XPNPEP2: variants seen among roughly 807,000 people sequenced by gnomAD.
XPNPEP2 encodes X-prolyl aminopeptidase 2.
A neutral mutation model predicts 59.8 loss-of-function variants in XPNPEP2; 64 were observed. That is an observed-to-expected ratio of 1.07 (90% CI 0.87 to 1.32). The LOEUF (loss-of-function observed/expected upper bound fraction) is 1.32. Among genes scored for constraint, XPNPEP2 ranks in the 40% most tolerant of loss-of-function variants. The pLI, the probability that XPNPEP2 is intolerant of heterozygous loss-of-function variation, is 0.00. For missense variants in XPNPEP2, 575 were observed against 546.8 expected (o/e 1.05, Z -0.51); for synonymous variants, 235 against 210.0 (o/e 1.12, Z -1.03).
chrX:129,769,495 G>C lies in XPNPEP2; in HGVS notation c.*1010G>C, dbSNP rs1384318869. The C allele has an allele frequency of 8.9e-6, 1 of 112,256 alleles. No homozygotes were observed. The highest frequency in any genetic ancestry group is 3.2e-5 in the African/African-American group (1 of 30,844). 9.3% of individuals were successfully genotyped at this position (112,256 alleles called of 1,213,427 possible). ...GGCCAAATTGGCCGTTAGCCACCTGGGTCCACATCCTGCTAAGACGTTTAA... is the reference window on the plus strand; with the variant it reads ...GGCCAAATTGGCCGTTAGCCACCTGCGTCCACATCCTGCTAAGACGTTTAA... On this transcript the variant is annotated 3_prime_UTR_variant, in exon 21 of 21. Transcript: ENST00000371106.
intron 18 of XPNPEP2, 147 bp from the exon 19 acceptor site, chrX:129,762,547 A>C (rs1385022465): frequency 1.0e-5 from 5 of 489,508 alleles, no homozygotes; most frequent in Non-Finnish European, 1.8e-5. Context: ...TAGCCAACAA[A>C]CATCTAACCA....
intron 1 of XPNPEP2, among the ~76,000 whole-genome samples, chrX:129,741,616 T>C (rs965903172): frequency 4.5e-5 from 5 of 112,180 alleles, no homozygotes; most frequent in African/African-American, 1.6e-4. Flanking sequence ...GAGCCTGGAA[T>C]GATAGGCAAA....
At chrX:129,764,208 G>C (rs1237783890) in intron 19 of XPNPEP2, among the ~76,000 whole-genome samples, 1 of 107,162 alleles carries the variant, frequency 9.3e-6, no homozygotes, top group African/African-American at 3.4e-5. Flanking sequence ...GTGAGAGGGT[G>C]AGTTTTCTTA....
chrX:129,754,428 A>G (rs1602904569), intron 11 of XPNPEP2, 44 bp from the exon 12 acceptor site: 1 of 1,112,435 alleles, frequency 9.0e-7, no homozygotes, highest in South Asian at 2.1e-5. Flanking sequence ...GGCTGCAACC[A>G]GACCTCACCC....
chrX:129,748,721 G>T (rs888662714), intron 7 of XPNPEP2, among the ~76,000 whole-genome samples: 1 of 112,090 alleles, frequency 8.9e-6, no homozygotes, highest in African/African-American at 3.2e-5. Flanking sequence ...ATCCAAGACT[G>T]TTAAATCATA....
intron 14 of XPNPEP2, among the ~76,000 whole-genome samples, chrX:129,757,057 T>G (rs1259930653): frequency 1.1e-5 from 1 of 92,692 alleles, no homozygotes; most frequent in Non-Finnish European, 2.0e-5. Flanking sequence ...TACACACACA[T>G]ATATATACAC....
chrX:129,761,302 G>A (rs1301580808), intron 17 of XPNPEP2, 26 bp downstream of exon 17: 1 of 1,130,785 alleles, frequency 8.8e-7, no homozygotes, highest in African/African-American at 1.8e-5. Context: ...GCACTCCCCA[G>A]GCCACCCCCC....
intron 2 of XPNPEP2, among the ~76,000 whole-genome samples, chrX:129,742,935 A>T (rs766277234): frequency 1.1e-3 from 124 of 111,751 alleles, no homozygotes; most frequent in African/African-American, 3.5e-3. Context: ...AAACCAAAGA[A>T]GAGCCAACGG....
intron 4 of XPNPEP2, 116 bp from the exon 5 acceptor site, chrX:129,746,120 T>C (rs1023740492): frequency 1.7e-6 from 1 of 578,224 alleles, no homozygotes; most frequent in Non-Finnish European, 2.8e-6. Flanking sequence ...GGAGAGAATC[T>C]CTTTCCAGAG....
intron 9 of XPNPEP2, 37 bp downstream of exon 9, chrX:129,751,863 T>C (rs1404320728): frequency 3.5e-6 from 4 of 1,154,039 alleles, no homozygotes; most frequent in Non-Finnish European, 1.2e-6. Context: ...GTGGACTTTC[T>C]CCAACTTCCA....
intron 14 of XPNPEP2, among the ~76,000 whole-genome samples, chrX:129,757,851 G>GAA (rs1358218628): frequency 1.2e-5 from 1 of 81,687 alleles, no homozygotes; most frequent in East Asian, 3.9e-4. Context: ...AAGAAAGAAA[G>GAA]AAAGAAAGAG....
intron 1 of XPNPEP2, among the ~76,000 whole-genome samples, chrX:129,740,553 C>G (rs150131936): frequency 0.013 from 1,455 of 109,396 alleles, 22 homozygotes; most frequent in African/African-American, 0.046. Flanking sequence ...CGCTTGAACT[C>G]AGGAGGCAGA....
In XPNPEP2 at chrX:129,760,599, G is replaced by A; in HGVS notation, c.1498+18G>A. ...TACATCAGGTGGGTTTCAGAAACCAGTCTGGACACAGCCTCAGGCCCTGAT... is the reference window on the plus strand; with the variant it reads ...TACATCAGGTGGGTTTCAGAAACCAATCTGGACACAGCCTCAGGCCCTGAT... On this transcript the variant is annotated intron_variant, in intron 16 of 20. Coordinates refer to ENST00000371106, the MANE Select transcript of XPNPEP2 (RefSeq NM_003399.6). The A allele has an allele frequency of 3.3e-6, 4 of 1,205,994 alleles. No individual in the cohort carries two copies. The highest frequency in any genetic ancestry group is 4.5e-6 in the Non-Finnish European group (4 of 890,448).
chrX:129,743,730 A>T (rs1481800565), intron 2 of XPNPEP2, among the ~76,000 whole-genome samples: 2 of 110,666 alleles, frequency 1.8e-5, no homozygotes, highest in East Asian at 5.7e-4. Flanking sequence ...TCCCTTTCCA[A>T]ACTCTCCAAC....
At position 129,742,132 on chromosome X, in the gene XPNPEP2, C is replaced by A; in HGVS notation, c.74C>A (p.Pro25Gln). ...GCTTGTGCCTGGGGCCACACAAAGC[C>A]AGTGGACCTTGGAGGGCAGGATGTG... is the stretch of plus-strand genomic sequence containing the variant. ...LCACAWGHTK[P>Q]VDLGGQDVRN... Residue 25 changes from proline (P) to glutamine (Q), a missense_variant, in exon 2 of 21, where the codon CCA (proline) becomes CAA (glutamine). Pro to Gln is a moderately conservative substitution (Grantham distance 76). Coordinates refer to ENST00000371106, the MANE Select transcript of XPNPEP2 (RefSeq NM_003399.6). The A allele has an allele frequency of 8.3e-7, 1 of 1,210,997 alleles. No individual in the cohort carries two copies. Among genetic ancestry groups the A allele is most frequent in the Non-Finnish European group, 1.1e-6 (1 of 894,969 alleles).
At chrX:129,753,749 A>G (rs937455870) in intron 11 of XPNPEP2, among the ~76,000 whole-genome samples, 3 of 112,098 alleles carry the variant, frequency 2.7e-5, no homozygotes, top group Non-Finnish European at 5.6e-5. Context: ...TTTAGAGCAC[A>G]GGCCCTGGAG....
In XPNPEP2 at chrX:129,750,409, A is replaced by G. The variant is rs765070339; in HGVS notation, c.638-59A>G. 149 of 991,414 alleles carry G rather than the reference A, an allele frequency of 1.5e-4. No homozygotes were observed. In the African/African-American group the frequency reaches 2.5e-3, roughly 16 times the overall value. The allele number at this position is 991,414 out of a possible 1,213,427, so 81.7% of individuals were successfully genotyped here. On this transcript the variant is annotated intron_variant, in intron 7 of 20. Coordinates refer to ENST00000371106, the MANE Select transcript of XPNPEP2 (RefSeq NM_003399.6). ...TTACCCTAAGGCTGACCTTCCAGGA[A>G]CCGAGTGCCAAAGGCAAGGTCTGTC...
At chrX:129,752,613 G>A (rs1266609040) in intron 10 of XPNPEP2, among the ~76,000 whole-genome samples, 1 of 112,403 alleles carries the variant, frequency 8.9e-6, no homozygotes, top group Non-Finnish European at 1.9e-5. Context: ...ACTTGAAAAT[G>A]AATTCCAGCT....
chrX:129,757,858 A>AAG (rs1926566414), intron 14 of XPNPEP2, among the ~76,000 whole-genome samples: 3 of 74,718 alleles, frequency 4.0e-5, no homozygotes, highest in African/African-American at 2.0e-4. Flanking sequence ...AAAGAAAGAA[A>AAG]GAGGGAGAGA....
Sources: allele counts gnomAD v4.1 joint callset (sites outside exome capture counted in the v4.1 genomes callset), GRCh38; gene constraint gnomAD v4.1.1; transcripts MANE v1.5; gene names NCBI Gene and HGNC (gene_info 2026-07-23, HGNC 2026-07-21).